Variants in DOCK1 observed in about 807,000 individuals in gnomAD.
The protein encoded by DOCK1 is dedicator of cytokinesis 1.
A neutral mutation model predicts 262.7 loss-of-function variants in DOCK1; 138 were observed. That is an observed-to-expected ratio of 0.53 (90% confidence interval 0.46 to 0.61). DOCK1 has a LOEUF of 0.61. DOCK1 is among the 20% of genes least tolerant of loss of function. The pLI is 0.00. For missense variants in DOCK1, 1,908 were observed against 2,370.7 expected, an observed-to-expected ratio of 0.80 and a Z score of 4.05; for synonymous variants, 866 against 867.4, an observed-to-expected ratio of 1.00 and a Z score of 0.03.
intron 16 of DOCK1, among the ~76,000 whole-genome samples, chr10:127,030,025 T>C (rs552747979): frequency 6.6e-6 from 1 of 152,266 alleles, no homozygotes; most frequent in East Asian, 1.9e-4. Flanking sequence ...CTTCCTGTGT[T>C]TTTTGGCTGG....
intron 37 of DOCK1, among the ~76,000 whole-genome samples, chr10:127,383,977 C>T (rs1481076009): frequency 6.6e-6 from 1 of 152,062 alleles, no homozygotes; most frequent in Non-Finnish European, 1.5e-5. Flanking sequence ...GTGCAGTAGC[C>T]TGGTCCTAGC....
chr10:127,194,479 T>C (rs2056961830), intron 27 of DOCK1, among the ~76,000 whole-genome samples: 1 of 152,232 alleles, frequency 6.6e-6, no homozygotes, highest in African/African-American at 2.4e-5. Context: ...TAAGAAATAG[T>C]ACAGTGTGGG....
At chr10:127,359,224 A>C (rs927720705) in intron 32 of DOCK1, among the ~76,000 whole-genome samples, 2 of 152,092 alleles carry the variant, frequency 1.3e-5, no homozygotes, top group African/African-American at 4.8e-5. Flanking sequence ...ACGAAGAGTC[A>C]GTGCCCAGGG....
intron 27 of DOCK1, among the ~76,000 whole-genome samples, chr10:127,130,346 A>G (rs1040093459): frequency 2.0e-5 from 3 of 152,126 alleles, no homozygotes; most frequent in African/African-American, 7.2e-5. Context: ...TCGGCCTCCC[A>G]AAGTGCTGGG....
chr10:127,223,771 GCTTTTTAAGAAGTGGC>G (rs1177494067), intron 27 of DOCK1, among the ~76,000 whole-genome samples: 3 of 152,158 alleles, frequency 2.0e-5, no homozygotes, highest in Non-Finnish European at 4.4e-5. Flanking sequence ...AAGAAGTGAG[GCTTTTTAAGAAGTGGC>G]CTTTTTAGGC....
intron 29 of DOCK1, among the ~76,000 whole-genome samples, chr10:127,288,049 A>G (rs1286904080): frequency 6.6e-6 from 1 of 152,218 alleles, no homozygotes; most frequent in Admixed American, 6.5e-5. Context: ...TGTCTCTTTC[A>G]TTTTAATTAT....
chr10:127,153,979 A>G (rs1419275649), intron 27 of DOCK1: 15 of 1,261,422 alleles, frequency 1.2e-5, no homozygotes, highest in Non-Finnish European at 1.7e-5. Context: ...CACTGGCTTT[A>G]TAGAGCAGAT....
At chr10:127,129,592 T>C (rs965074198) in intron 27 of DOCK1, among the ~76,000 whole-genome samples, 1 of 152,166 alleles carries the variant, frequency 6.6e-6, no homozygotes, top group East Asian at 1.9e-4. Flanking sequence ...AGGTCTGGCG[T>C]TGACCCCTGA....
chr10:126,948,968 C>T (rs1270009437), intron 1 of DOCK1, among the ~76,000 whole-genome samples: 5 of 152,128 alleles, frequency 3.3e-5, no homozygotes, highest in African/African-American at 1.2e-4. Flanking sequence ...GAATCCCTTT[C>T]AGTGGCCCGG....
chr10:127,092,137 A>C (rs1010486262), intron 23 of DOCK1, among the ~76,000 whole-genome samples: 1 of 152,236 alleles, frequency 6.6e-6, no homozygotes, highest in Non-Finnish European at 1.5e-5. Context: ...CTGCTGTAGA[A>C]TAGTCCCATC....
chr10:127,158,218 A>G (rs1425906782), intron 27 of DOCK1, among the ~76,000 whole-genome samples: 1 of 152,260 alleles, frequency 6.6e-6, no homozygotes, highest in East Asian at 1.9e-4. Flanking sequence ...CTCAACTTGG[A>G]AACACATCAG....
intron 23 of DOCK1, among the ~76,000 whole-genome samples, chr10:127,102,302 G>C (rs1017843712): frequency 2.6e-5 from 4 of 152,112 alleles, no homozygotes; most frequent in African/African-American, 9.7e-5. Context: ...GATAGTAATA[G>C]GCCTCCTTCA....
chr10:126,972,290 A>T (rs978538766), intron 2 of DOCK1, among the ~76,000 whole-genome samples: 1 of 152,162 alleles, frequency 6.6e-6, no homozygotes, highest in Non-Finnish European at 1.5e-5. Context: ...GGCTTTTCAG[A>T]CAATTTGTTT....
chr10:127,010,296 A>G (rs1185150398), intron 11 of DOCK1, among the ~76,000 whole-genome samples: 1 of 152,126 alleles, frequency 6.6e-6, no homozygotes, highest in African/African-American at 2.4e-5. Context: ...GTGAAACCCC[A>G]TAACTACTAA....
chr10:127,110,327 G>T lies in DOCK1; in HGVS notation c.2596G>T (p.Val866Phe). The T allele has an allele frequency of 6.2e-7, 1 of 1,613,126 alleles. No homozygotes were observed. Residue 866 changes from valine (V) to phenylalanine (F), a missense_variant, in exon 25 of 52, where the codon GTC becomes TTC. Transcript: ENST00000623213. Reference sequence around the variant, plus strand: ...GAAACTCTACTGCTTGATCGAAATCGTCCACAGTGACCTCTTCACACAGCA... The same window carrying T: ...GAAACTCTACTGCTTGATCGAAATCTTCCACAGTGACCTCTTCACACAGCA... ...IQKLYCLIEI[V>F]HSDLFTQHDC... is the part of the protein sequence containing the mutation.
chr10:127,243,135 T>G (rs2059319364), intron 27 of DOCK1, among the ~76,000 whole-genome samples: 1 of 152,212 alleles, frequency 6.6e-6, no homozygotes, highest in Non-Finnish European at 1.5e-5. Context: ...TTTTATACCC[T>G]GCTATCCAAG....
intron 23 of DOCK1, among the ~76,000 whole-genome samples, chr10:127,099,582 A>G (rs965037376): frequency 2.0e-5 from 3 of 152,104 alleles, no homozygotes; most frequent in South Asian, 2.1e-4. Context: ...GTCACATGGC[A>G]AGAGAGGGAA....
chr10:127,379,474 T>C (rs918907054), intron 35 of DOCK1, among the ~76,000 whole-genome samples: 3 of 152,198 alleles, frequency 2.0e-5, no homozygotes, highest in African/African-American at 7.2e-5. Flanking sequence ...GTAGACTGTT[T>C]GATACAGTAG....
chr10:127,239,484 C>A (rs574911987), intron 27 of DOCK1, among the ~76,000 whole-genome samples: 1 of 152,156 alleles, frequency 6.6e-6, no homozygotes, highest in East Asian at 1.9e-4. Context: ...CATCATCCAA[C>A]CAATGTTAAC....
Sources: gnomAD v4.1 joint callset for allele counts (sites outside exome capture counted in the v4.1 genomes callset) on GRCh38, gnomAD v4.1.1 for gene constraint, MANE v1.5 for transcripts, NCBI Gene and HGNC (gene_info 2026-07-23, HGNC 2026-07-21) for gene names.